Variants in PCBP3 observed in about 807,000 individuals in gnomAD.
PCBP3 encodes poly(rC)-binding protein 3.
Under a neutral mutation model 52.7 loss-of-function variants are expected in PCBP3, and 25 were observed. The observed-to-expected ratio is 0.47, with a 90% CI of 0.35 to 0.66. The LOEUF (loss-of-function observed/expected upper bound fraction) is 0.66. PCBP3 is among the 30% of genes least tolerant of loss of function. PCBP3 has a pLI of 0.01. For synonymous variants in PCBP3, 162 were observed against 183.0 expected (o/e 0.89, Z 0.93); for missense variants, 391 against 490.3 (o/e 0.80, Z 1.91).
intron 4 of PCBP3, chr21:45,760,629 A>T (rs190562615): frequency 1.3e-5 from 2 of 152,326 alleles, no homozygotes; most frequent in African/African-American, 4.8e-5. Context: ...TTAAGTTTAG[A>T]GTAAAAAGAA....
At chr21:45,753,917 C>T (rs1280878285) in intron 3 of PCBP3, among the ~76,000 whole-genome samples, 1 of 152,188 alleles carries the variant, frequency 6.6e-6, no homozygotes, top group Non-Finnish European at 1.5e-5. Context: ...TTTAGATTTA[C>T]TCATATCTCA....
chr21:45,784,197 A>C (rs2090864147), intron 4 of PCBP3, among the ~76,000 whole-genome samples: 1 of 152,164 alleles, frequency 6.6e-6, no homozygotes, highest in Non-Finnish European at 1.5e-5. Flanking sequence ...GGTAGCTCTG[A>C]ATGTGCTGAT....
chr21:45,892,099 G>A (rs938324544), intron 5 of PCBP3, among the ~76,000 whole-genome samples: 1 of 152,222 alleles, frequency 6.6e-6, no homozygotes, highest in Non-Finnish European at 1.5e-5. Flanking sequence ...GGAGTAGGGA[G>A]GGGAAGGGTG....
chr21:45,659,461 C>A (rs529049279), intron 1 of PCBP3, among the ~76,000 whole-genome samples: 1 of 151,650 alleles, frequency 6.6e-6, no homozygotes, highest in Non-Finnish European at 1.5e-5. Context: ...ACGATCTTCC[C>A]ACCTCATCCT....
In PCBP3 at chr21:45,840,422, A is replaced by C. The variant is rs1360916209; in HGVS notation, c.-125-9539A>C. On this transcript the variant is annotated intron_variant, in intron 4 of 17. Transcript: ENST00000681687. Reference sequence around the variant, plus strand: ...CAGTGAGCTGAGATTGCGCCACTGCACTCCAGCCTGGGTGACAGAGCGGGA... The same window carrying C: ...CAGTGAGCTGAGATTGCGCCACTGCCCTCCAGCCTGGGTGACAGAGCGGGA... Among the ~76,000 whole-genome samples, 4 of 149,170 alleles carry C rather than the reference A, an allele frequency of 2.7e-5. No homozygotes were observed. In the East Asian group the frequency reaches 6.0e-4, roughly 22 times the overall value.
At chr21:45,769,995 C>T (rs1306714647) in intron 4 of PCBP3, among the ~76,000 whole-genome samples, 1 of 152,168 alleles carries the variant, frequency 6.6e-6, no homozygotes, top group Non-Finnish European at 1.5e-5. Context: ...TTTGTTTAGC[C>T]CTGAGGCACA....
At chr21:45,727,159 T>A (rs1405690890) in intron 2 of PCBP3, among the ~76,000 whole-genome samples, 1 of 152,258 alleles carries the variant, frequency 6.6e-6, no homozygotes, top group Non-Finnish European at 1.5e-5. Flanking sequence ...TTTTGACTAT[T>A]ACATTTAAGT....
At position 45,835,045 on chromosome 21, in the gene PCBP3, C is replaced by T. The variant is rs563758626; in HGVS notation, c.-125-14916C>T. Among the ~76,000 whole-genome samples, 6 of 152,352 alleles carry T rather than the reference C, an allele frequency of 3.9e-5. No individual in the cohort carries two copies. The South Asian group carries it at 6.2e-4, about 16-fold the overall frequency. On this transcript the variant is annotated intron_variant, in intron 4 of 17. Coordinates refer to ENST00000681687, the MANE Select transcript of PCBP3 (RefSeq NM_001384156.1). ...GGCCGGTTCGCGAACGCCGCAGCAG[C>T]CTCTGCTGACACGGGGGCTGCTCCC...
intron 13 of PCBP3, among the ~76,000 whole-genome samples, chr21:45,919,954 G>C (rs1461359008): frequency 3.9e-5 from 6 of 152,260 alleles, no homozygotes; most frequent in African/African-American, 1.4e-4. Flanking sequence ...AGGGGAGTCA[G>C]AGGCGACTTT....
chr21:45,658,451 G>A (rs56213918), intron 1 of PCBP3, among the ~76,000 whole-genome samples: 28,763 of 151,866 alleles, frequency 0.19, 2,897 homozygotes, highest in Middle Eastern at 0.32. Context: ...TGACAGGTGC[G>A]TGCCACCATG....
chr21:45,919,567 A>G (rs2074103237), intron 13 of PCBP3: 1 of 152,264 alleles, frequency 6.6e-6, no homozygotes, highest in African/African-American at 2.4e-5. Context: ...ACATGAATCA[A>G]ATGGTAGAGA....
At chr21:45,938,282 G>A (rs2077090264) in intron 16 of PCBP3, among the ~76,000 whole-genome samples, 1 of 152,254 alleles carries the variant, frequency 6.6e-6, no homozygotes, top group East Asian at 1.9e-4. Flanking sequence ...TGTTAGGGAG[G>A]AAAGCGGCTG....
chr21:45,836,518 C>G (rs1455480585), intron 4 of PCBP3: 1 of 149,894 alleles, frequency 6.7e-6, no homozygotes, highest in Non-Finnish European at 1.5e-5. Context: ...TGTGCCGGCT[C>G]CTCTGCTTGC....
rs74660892 is a variant in PCBP3 at position 45,941,752 on chromosome 21, A to T, written c.*46A>T. 0.03 allele frequency: 46,659 copies of T among 1,548,394 alleles called. 877 individuals carry two copies. Among genetic ancestry groups the T allele is most frequent in the Middle Eastern group, 0.095 (561 of 5,886 alleles). On this transcript the variant is annotated 3_prime_UTR_variant, in exon 18 of 18. Transcript: ENST00000681687. ...CCGCGTCACCCACCTGCCAGAGCCT[A>T]AGGCCCCCGGCTCTCGCACTCTGTA...
intron 5 of PCBP3, among the ~76,000 whole-genome samples, chr21:45,876,225 G>A (rs1443245772): frequency 6.6e-6 from 1 of 152,228 alleles, no homozygotes; most frequent in Non-Finnish European, 1.5e-5. Flanking sequence ...ACTTGACTCA[G>A]CTCTCAGGGT....
In PCBP3 at chr21:45,890,583, A is replaced by G. The variant is rs929473760; in HGVS notation, c.11-5625A>G. On this transcript the variant is annotated intron_variant, in intron 5 of 17. Transcript: ENST00000681687. ...GGGGAATGTAGATAATAGAACCTGGAACTCTGTGCACTGCTGAGGGGAATA... is the reference window on the plus strand; with the variant it reads ...GGGGAATGTAGATAATAGAACCTGGGACTCTGTGCACTGCTGAGGGGAATA... Among the ~76,000 whole-genome samples the G allele has an allele frequency of 5.8e-5, 8 of 138,124 alleles. No homozygotes were observed. In the South Asian group the frequency reaches 1.2e-3, roughly 20 times the overall value. 90.6% of individuals were successfully genotyped at this position (138,124 alleles called of 152,430 possible). A position where few individuals can be genotyped will look rare whatever the true frequency, so the allele number is the denominator to read the frequency against.
At chr21:45,776,738 C>T (rs1026875040) in intron 4 of PCBP3, among the ~76,000 whole-genome samples, 13 of 152,050 alleles carry the variant, frequency 8.5e-5, no homozygotes, top group African/African-American at 2.4e-4. Flanking sequence ...CCTTTAATTT[C>T]GGTTCATATG....
chr21:45,831,794 TC>T (rs1255925256), intron 4 of PCBP3, among the ~76,000 whole-genome samples: 32 of 152,198 alleles, frequency 2.1e-4, no homozygotes, highest in Non-Finnish European at 1.0e-4. Flanking sequence ...CACTGCAACT[TC>T]CACCTCCCGG....
intron 4 of PCBP3, among the ~76,000 whole-genome samples, chr21:45,823,390 G>A (rs974157715): frequency 2.0e-5 from 3 of 152,190 alleles, no homozygotes; most frequent in Admixed American, 6.5e-5. Context: ...CTGGGGATTC[G>A]GTTGAGGTGG....
Sources: gnomAD v4.1 joint callset for allele counts (sites outside exome capture counted in the v4.1 genomes callset) on GRCh38, gnomAD v4.1.1 for gene constraint, MANE v1.5 for transcripts, NCBI Gene and HGNC (gene_info 2026-07-23, HGNC 2026-07-21) for gene names.